The following CRISPLD1 variants were observed in gnomAD, a reference collection of about 807,000 sequenced individuals.
CRISPLD1 encodes cysteine-rich secretory protein LCCL domain-containing 1.
Under a neutral mutation model 77.5 loss-of-function variants are expected in CRISPLD1, and 60 were observed. The ratio of observed to expected loss-of-function variants is 0.77; its 90% CI spans 0.63 to 0.96. The LOEUF (loss-of-function observed/expected upper bound fraction) is 0.96. Among genes scored for constraint, CRISPLD1 ranks in the 40% least tolerant of loss-of-function variants. The pLI, the probability that CRISPLD1 is intolerant of heterozygous loss-of-function variation, is 0.00. For missense variants in CRISPLD1, 623 were observed against 615.8 expected (o/e 1.01, Z -0.12); for synonymous variants, 195 against 200.1 (o/e 0.97, Z 0.22).
chr8:75,009,265 C>T (rs1399907611), intron 2 of CRISPLD1, among the ~76,000 whole-genome samples: 2 of 151,776 alleles, frequency 1.3e-5, no homozygotes, highest in Admixed American at 6.6e-5. Context: ...TTCCAGCTAC[C>T]TATTCATGGT....
At chr8:75,014,968 G>A (rs745774943) in intron 6 of CRISPLD1, 56 bp downstream of exon 6, 108 of 1,196,162 alleles carry the variant, frequency 9.0e-5, no homozygotes, top group Middle Eastern at 3.9e-4. Context: ...TCCAGCTCCT[G>A]CATTACTTAT....
chr8:75,030,706 G>GTGTGTA (rs1554535316), intron 14 of CRISPLD1, among the ~76,000 whole-genome samples: 1 of 147,902 alleles, frequency 6.8e-6, no homozygotes. Flanking sequence ...GTGTGTGTGT[G>GTGTGTA]TATATGTATG....
Position 74,985,937 on chromosome 8 carries a change from G to T in CRISPLD1, c.-51G>T. On this transcript the variant is annotated 5_prime_UTR_variant, in exon 2 of 15. Coordinates refer to ENST00000262207, the MANE Select transcript of CRISPLD1 (RefSeq NM_031461.6). Reference sequence around the variant, plus strand: ...ACATGTCGTTATAGCCAAAAGGAGTGGAAGAGCCTGTCTTGGAGATTTTCC... The same window carrying T: ...ACATGTCGTTATAGCCAAAAGGAGTTGAAGAGCCTGTCTTGGAGATTTTCC... The T allele has an allele frequency of 1.3e-6, 2 of 1,569,958 alleles. No homozygotes were observed. Among genetic ancestry groups the T allele is most frequent in the Non-Finnish European group, 1.7e-6 (2 of 1,154,630 alleles).
In CRISPLD1 at chr8:75,033,385, A is replaced by T. The variant is rs1193666951; in HGVS notation, c.*1143A>T. ...TGAACAAAATTATTGTAAGTCTTCT[A>T]AACTTGGTTTATTGACGTTAGTATA... is the stretch of plus-strand genomic sequence containing the variant. On this transcript the variant is annotated 3_prime_UTR_variant, in exon 15 of 15. Coordinates refer to ENST00000262207, the MANE Select transcript of CRISPLD1 (RefSeq NM_031461.6). 1 of 152,084 alleles carries T rather than the reference A, an allele frequency of 6.6e-6. No individual in the cohort carries two copies. Among genetic ancestry groups the T allele is most frequent in the African/African-American group, 2.4e-5 (1 of 41,448 alleles). 9.4% of individuals were successfully genotyped at this position (152,084 alleles called of 1,614,324 possible). A position where few individuals can be genotyped will look rare whatever the true frequency, so the allele number is the denominator to read the frequency against.
Position 75,000,854 on chromosome 8 carries a change from GAATGAAAAAA to G in CRISPLD1, c.259-11570_259-11561del, listed in dbSNP as rs368308723. Among the ~76,000 whole-genome samples, 811 of 151,628 alleles carry G rather than the reference GAATGAAAAAA, an allele frequency of 5.3e-3. 6 individuals are homozygous for G. The highest frequency in any genetic ancestry group is 0.019 in the African/African-American group (778 of 41,396). ...AGCTGGAAGGAAAACAAAATGGGAT[GAATGAAAAAA>G]AATGAAAAGATGACTAGATTTTCAA... On this transcript the variant is annotated intron_variant, in intron 2 of 14. Coordinates refer to ENST00000262207, the MANE Select transcript of CRISPLD1 (RefSeq NM_031461.6).
chr8:75,000,299 A>T (rs1224646806), intron 2 of CRISPLD1: 34 of 985,234 alleles, frequency 3.5e-5, no homozygotes, highest in Non-Finnish European at 4.1e-5. Context: ...TCAAATGATA[A>T]AAGTGTTGAG....
chr8:75,013,036 G>A lies in CRISPLD1; in HGVS notation c.510+14G>A, dbSNP rs746671711. 1.2e-5 allele frequency: 18 copies of A among 1,513,058 alleles called. No individual in the cohort carries two copies. The highest frequency in any genetic ancestry group is 2.3e-5 in the East Asian group (1 of 43,350). 93.7% of individuals were successfully genotyped at this position (1,513,058 alleles called of 1,614,324 possible). ...CATTATACACAGGTATGTTTGGGGG[G>A]TATTATACTTAATTCCCCCAAATTG... is the stretch of plus-strand genomic sequence containing the variant. On this transcript the variant is annotated intron_variant, in intron 4 of 14. Coordinates refer to ENST00000262207, the MANE Select transcript of CRISPLD1 (RefSeq NM_031461.6).
Position 75,020,072 on chromosome 8 carries a change from T to G in CRISPLD1, c.1237T>G (p.Cys413Gly), listed in dbSNP as rs1260052933. ...LCPFHKPASHCPRVYCPRNCM... is the reference protein window; with the variant it reads ...LCPFHKPASHGPRVYCPRNCM... ...TCCATTTCATAAGCCTGCTTCACAT[T>G]GCCCAAGGTAAACCAGTGTACACAT... The change falls in exon 12 of 15, where the codon TGC (cysteine) becomes GGC (glycine). Residue 413 changes from cysteine (C) to glycine (G), a missense_variant. By Grantham distance (159) the Cys-to-Gly change is radical. Coordinates refer to ENST00000262207, the MANE Select transcript of CRISPLD1 (RefSeq NM_031461.6). 3.1e-6 allele frequency: 5 copies of G among 1,613,952 alleles called. No individual in the cohort carries two copies. The highest frequency in any genetic ancestry group is 4.2e-6 in the Non-Finnish European group (5 of 1,179,826).
chr8:75,024,569 C>G (rs556876416), intron 12 of CRISPLD1, among the ~76,000 whole-genome samples: 2 of 152,258 alleles, frequency 1.3e-5, no homozygotes, highest in East Asian at 3.9e-4. Flanking sequence ...AGGCGATCCA[C>G]CCACCTCGGC....
chr8:75,021,929 A>C (rs1465861645), intron 12 of CRISPLD1, among the ~76,000 whole-genome samples: 2 of 152,162 alleles, frequency 1.3e-5, no homozygotes, highest in Non-Finnish European at 2.9e-5. Flanking sequence ...ATGAGGACCA[A>C]ATAATAAGGA....
intron 2 of CRISPLD1, among the ~76,000 whole-genome samples, chr8:74,993,224 T>C (rs1167732518): frequency 6.6e-6 from 1 of 152,192 alleles, no homozygotes; most frequent in African/African-American, 2.4e-5. Flanking sequence ...AATTAAGGTT[T>C]AATGGCAATT....
rs189669814 is a variant in CRISPLD1, at chr8:75,002,324, A to T, written c.259-10109A>T. On this transcript the variant is annotated intron_variant, in intron 2 of 14. Coordinates refer to ENST00000262207, the MANE Select transcript of CRISPLD1 (RefSeq NM_031461.6). ...ACATTAATTACAGCAAATCAAGCAG[A>T]TTCTTATAGGAACAGGGGAAGAAGA... 1.4e-3 allele frequency among the ~76,000 whole-genome samples: 212 copies of T among 149,354 alleles called. 1 individual carries two copies. Among genetic ancestry groups the T allele is most frequent in the Middle Eastern group, 0.014 (4 of 294 alleles).
chr8:74,993,579 T>C (rs1812606025), intron 2 of CRISPLD1, among the ~76,000 whole-genome samples: 1 of 152,212 alleles, frequency 6.6e-6, no homozygotes, highest in Non-Finnish European at 1.5e-5. Flanking sequence ...TTAAAGTGAA[T>C]GTATTTTTCT....
chr8:75,016,978 T>C, intron 8 of CRISPLD1, 37 bp downstream of exon 8: 1 of 1,513,584 alleles, frequency 6.6e-7, no homozygotes, highest in Non-Finnish European at 9.0e-7. Context: ...TAATTGAATA[T>C]AATAAATATT....
chr8:75,002,186 G>C (rs1812753567), intron 2 of CRISPLD1, among the ~76,000 whole-genome samples: 1 of 151,708 alleles, frequency 6.6e-6, no homozygotes, highest in South Asian at 2.1e-4. Flanking sequence ...TCTCTCATTG[G>C]AACTTTAGAT....
At chr8:75,004,255 A>G (rs904707449) in intron 2 of CRISPLD1, among the ~76,000 whole-genome samples, 3 of 152,134 alleles carry the variant, frequency 2.0e-5, no homozygotes, top group African/African-American at 7.2e-5. Flanking sequence ...CATTTTCCCT[A>G]TAACTACAAA....
intron 2 of CRISPLD1, chr8:75,000,400 C>A (rs1341544390): frequency 2.0e-6 from 2 of 985,194 alleles, no homozygotes; most frequent in Non-Finnish European, 2.4e-6. Flanking sequence ...ATCAAGAGTA[C>A]TGTGAATAAG....
intron 2 of CRISPLD1, among the ~76,000 whole-genome samples, chr8:74,991,584 G>T (rs769240144): frequency 3.3e-5 from 5 of 152,158 alleles, no homozygotes; most frequent in Admixed American, 1.3e-4. Flanking sequence ...GGGCTGGAGC[G>T]CAATGGTACT....
In CRISPLD1 at chr8:75,033,400, A is replaced by G. The variant is rs1425886663; in HGVS notation, c.*1158A>G. The G allele has an allele frequency of 6.6e-6, 1 of 152,028 alleles. No homozygotes were observed. The highest frequency in any genetic ancestry group is 1.9e-4 in the East Asian group (1 of 5,204). 9.4% of individuals were successfully genotyped at this position (152,028 alleles called of 1,614,324 possible). A position where few individuals can be genotyped will look rare whatever the true frequency, so the allele number is the denominator to read the frequency against. On this transcript the variant is annotated 3_prime_UTR_variant, in exon 15 of 15. Transcript: ENST00000262207. The stretch of plus-strand genomic sequence containing the variant: ...TAAGTCTTCTAAACTTGGTTTATTG[A>G]CGTTAGTATAAATAACATACAATAC...
Sources: allele counts gnomAD v4.1 joint callset (sites outside exome capture counted in the v4.1 genomes callset), GRCh38; gene constraint gnomAD v4.1.1; transcripts MANE v1.5; gene names NCBI Gene and HGNC (gene_info 2026-07-23, HGNC 2026-07-21).